Variants in PLSCR2 observed in about 807,000 individuals in gnomAD.
PLSCR2 encodes the protein PL scramblase 2.
PLSCR2 carries 18 observed loss-of-function variants against 25.3 expected under a neutral mutation model. That is an observed-to-expected ratio of 0.71 (90% CI 0.49 to 1.06). PLSCR2 has a LOEUF of 1.06. Ranked by LOEUF, PLSCR2 falls within the 50% of genes least tolerant of loss-of-function variation. The pLI is 0.00. For missense variants in PLSCR2, 243 were observed against 269.5 expected (o/e 0.90, Z 0.69); for synonymous variants, 88 against 87.3 (o/e 1.01, Z -0.04).
At chr3:146,428,214 G>C (rs567759503) in intron 2 of PLSCR2, among the ~76,000 whole-genome samples, 12 of 152,132 alleles carry the variant, frequency 7.9e-5, no homozygotes, top group Non-Finnish European at 1.8e-4. Flanking sequence ...AATTACTACT[G>C]TCTATTGGCA....
At chr3:146,478,421 A>G (rs2043003316) in intron 1 of PLSCR2, among the ~76,000 whole-genome samples, 1 of 152,346 alleles carries the variant, frequency 6.6e-6, no homozygotes, top group East Asian at 1.9e-4. Context: ...GGTAAAAACC[A>G]TGGCATGAGA....
chr3:146,402,511 A>G (rs2038510819), intron 2 of PLSCR2, among the ~76,000 whole-genome samples: 1 of 151,894 alleles, frequency 6.6e-6, no homozygotes, highest in Non-Finnish European at 1.5e-5. Flanking sequence ...TCTGTTGCCC[A>G]GGCTGGAGTG....
chr3:146,476,768 C>A (rs1388492401), intron 1 of PLSCR2, among the ~76,000 whole-genome samples: 5 of 152,224 alleles, frequency 3.3e-5, no homozygotes, highest in African/African-American at 9.6e-5. Flanking sequence ...TTAGGGCAGA[C>A]CCTGATGCAT....
At chr3:146,481,829 A>G (rs1286355391) in intron 1 of PLSCR2, among the ~76,000 whole-genome samples, 4 of 152,356 alleles carry the variant, frequency 2.6e-5, no homozygotes, top group African/African-American at 9.6e-5. Flanking sequence ...ACTTCAAATT[A>G]TACTACAAGG....
intron 1 of PLSCR2, among the ~76,000 whole-genome samples, chr3:146,469,787 C>A (rs534530100): frequency 4.9e-5 from 7 of 144,092 alleles, no homozygotes; most frequent in South Asian, 2.2e-4. Flanking sequence ...CCCACCCCCC[C>A]ACGCCGTGTG....
chr3:146,421,783 T>G (rs910828099), intron 2 of PLSCR2, among the ~76,000 whole-genome samples: 2 of 152,126 alleles, frequency 1.3e-5, no homozygotes, highest in African/African-American at 4.8e-5. Context: ...GGTAGGTTAG[T>G]GCAAATGGGG....
intron 1 of PLSCR2, among the ~76,000 whole-genome samples, chr3:146,473,192 CT>C (rs1276043307): frequency 6.6e-6 from 1 of 151,990 alleles, no homozygotes; most frequent in Non-Finnish European, 1.5e-5. Context: ...ATCTTATGCC[CT>C]GCTATATAAT....
intron 2 of PLSCR2, among the ~76,000 whole-genome samples, chr3:146,414,046 C>T (rs747121313): frequency 1.3e-4 from 20 of 152,114 alleles, no homozygotes; most frequent in Non-Finnish European, 2.4e-4. Flanking sequence ...CCTTCCTGCT[C>T]CATCATATGG....
At chr3:146,434,494 A>G (rs1422012659) in intron 8 of PLSCR2, among the ~76,000 whole-genome samples, 1 of 152,122 alleles carries the variant, frequency 6.6e-6, no homozygotes, top group Non-Finnish European at 1.5e-5. Flanking sequence ...ATGACATACT[A>G]TGCAACTAGT....
At chr3:146,410,511 TAAC>T (rs564291528) in intron 2 of PLSCR2, among the ~76,000 whole-genome samples, 52 of 152,318 alleles carry the variant, frequency 3.4e-4, no homozygotes, top group African/African-American at 1.2e-3. Flanking sequence ...CTCGTTCTTG[TAAC>T]AACACCTGAC....
intron 2 of PLSCR2, among the ~76,000 whole-genome samples, chr3:146,459,278 A>C (rs2041411486): frequency 6.6e-6 from 1 of 152,170 alleles, no homozygotes; most frequent in Admixed American, 6.5e-5. Flanking sequence ...CAAAAATATT[A>C]AGTCATTTTT....
rs540832445 is a variant in PLSCR2, at chr3:146,406,712, G to A, written c.101-10791C>T. 2.0e-4 allele frequency among the ~76,000 whole-genome samples: 30 copies of A among 152,282 alleles called. No individual in the cohort carries two copies. The South Asian group carries it at 6.2e-3, about 32-fold the overall frequency. ...TTGGACTTTTTGATGCAGGAGTGAT[G>A]AATCTAAGCAGGAATGCCATCCACC... On this transcript the variant is annotated intron_variant and NMD_transcript_variant, in intron 2 of 3. Coordinates refer to the PLSCR2 transcript ENST00000463633.
At chr3:146,410,969 C>T (rs560845879) in intron 2 of PLSCR2, among the ~76,000 whole-genome samples, 71 of 152,274 alleles carry the variant, frequency 4.7e-4, no homozygotes, top group African/African-American at 1.5e-3. Flanking sequence ...CTGCAGGTGA[C>T]GGCCCATTCG....
At chr3:146,418,684 G>T (rs191489073) in intron 2 of PLSCR2, among the ~76,000 whole-genome samples, 7 of 152,250 alleles carry the variant, frequency 4.6e-5, no homozygotes, top group Admixed American at 2.0e-4. Flanking sequence ...CTGCAGCTCT[G>T]CCCTCAGAAT....
At chr3:146,394,355 C>T (rs1304703810) in intron 3 of PLSCR2, among the ~76,000 whole-genome samples, 3 of 151,972 alleles carry the variant, frequency 2.0e-5, no homozygotes, top group Non-Finnish European at 2.9e-5. Context: ...GCAACCTCTG[C>T]CTCCTGGGTT....
intron 2 of PLSCR2, among the ~76,000 whole-genome samples, chr3:146,412,542 T>A (rs1387545960): frequency 6.6e-6 from 1 of 152,132 alleles, no homozygotes; most frequent in Admixed American, 6.5e-5. Flanking sequence ...AAGGAGTACT[T>A]CAGTGAGGTA....
chr3:146,438,774 A>T (rs2040048580), downstream of PLSCR2, among the ~76,000 whole-genome samples: 1 of 152,248 alleles, frequency 6.6e-6, no homozygotes, highest in South Asian at 2.1e-4. Context: ...GCCCATTTAC[A>T]TTTAAGGTTA....
chr3:146,403,392 A>AT (rs1403173097), intron 2 of PLSCR2, among the ~76,000 whole-genome samples: 2 of 152,110 alleles, frequency 1.3e-5, no homozygotes, highest in South Asian at 2.1e-4. Context: ...CAAGCTGTGG[A>AT]TTTTCTGAAT....
upstream of PLSCR2, chr3:146,461,922 G>C (rs1162981206): frequency 6.7e-7 from 1 of 1,499,838 alleles, no homozygotes; most frequent in Admixed American, 2.1e-5. Context: ...AATTTACAAG[G>C]GAAAACACAG....
Sources: gnomAD v4.1 joint callset for allele counts (sites outside exome capture counted in the v4.1 genomes callset) on GRCh38, gnomAD v4.1.1 for gene constraint, MANE v1.5 for transcripts, NCBI Gene and HGNC (gene_info 2026-07-23, HGNC 2026-07-21) for gene names.